The following NEK11 variants were observed in gnomAD, a reference collection of about 807,000 sequenced individuals.
The protein encoded by NEK11 is NIMA related kinase 11, also known as serine/threonine-protein kinase Nek11.
In NEK11, 72 loss-of-function variants were observed where a neutral mutation model predicts 80.7. The observed-to-expected ratio is 0.89, with a 90% CI of 0.74 to 1.08. NEK11 has a LOEUF of 1.08. Ranked by LOEUF, NEK11 falls within the 50% of genes least tolerant of loss-of-function variation. The pLI, the probability that NEK11 is intolerant of heterozygous loss-of-function variation, is 0.00. For synonymous variants in NEK11, 251 were observed against 260.7 expected, an observed-to-expected ratio of 0.96 and a Z score of 0.36; for missense variants, 764 against 763.6, an observed-to-expected ratio of 1.00 and a Z score of -0.01.
intron 10 of NEK11, among the ~76,000 whole-genome samples, chr3:131,161,064 T>A (rs1417750703): frequency 1.4e-5 from 2 of 147,678 alleles, no homozygotes; most frequent in East Asian, 4.0e-4. Flanking sequence ...GTGCCTGTAG[T>A]CCCAGCTACT....
chr3:131,034,501 G>T (rs2065336006), intron 3 of NEK11, among the ~76,000 whole-genome samples: 1 of 152,158 alleles, frequency 6.6e-6, no homozygotes. Flanking sequence ...CCGGCTTCAC[G>T]CCATTCTCCT....
chr3:131,162,461 T>C lies in NEK11; in HGVS notation c.1016T>C (p.Met339Thr), dbSNP rs61749493. ...AGGGCACTGTCAGAAGTACAGAAAATGACGCCAAGAGAAAGGATGCGGCTG... is the reference window on the plus strand; with the variant it reads ...AGGGCACTGTCAGAAGTACAGAAAACGACGCCAAGAGAAAGGATGCGGCTG... ...TLRALSEVQK[M>T]TPRERMRLRK... The change falls in exon 11 of 18, where the codon ATG becomes ACG. Residue 339 changes from methionine to threonine, a missense_variant. Coordinates refer to ENST00000383366, the MANE Select transcript of NEK11 (RefSeq NM_024800.5). 1,493 of 1,614,036 alleles carry C rather than the reference T, an allele frequency of 9.3e-4. 9 individuals are homozygous for C. In the African/African-American group the frequency reaches 0.015, roughly 17 times the overall value.
intron 15 of NEK11, among the ~76,000 whole-genome samples, chr3:131,230,500 T>C (rs1427582414): frequency 6.6e-6 from 1 of 152,188 alleles, no homozygotes; most frequent in African/African-American, 2.4e-5. Context: ...AATAAAATAC[T>C]TCATGAGATA....
In NEK11 at chr3:131,350,010, T is replaced by C. The variant is rs1561681360; in HGVS notation, c.*234T>C. 1.0e-5 allele frequency: 5 copies of C among 486,820 alleles called. No homozygotes were observed. Among genetic ancestry groups the C allele is most frequent in the East Asian group, 7.4e-5 (2 of 27,176 alleles). The allele number at this position is 486,820 out of a possible 1,614,324, so 30.2% of individuals were successfully genotyped here. A position where few individuals can be genotyped will look rare whatever the true frequency, so the allele number is the denominator to read the frequency against. ...CCTGAGATAAGCTTATAGATCAAGT[T>C]TGGCTCCCTTGAAAAGCATTTCTCT... On this transcript the variant is annotated 3_prime_UTR_variant, in exon 18 of 18. Coordinates refer to ENST00000383366, the MANE Select transcript of NEK11 (RefSeq NM_024800.5).
At chr3:131,182,934 C>G (rs1190759886) in intron 14 of NEK11, among the ~76,000 whole-genome samples, 1 of 152,194 alleles carries the variant, frequency 6.6e-6, no homozygotes, top group African/African-American at 2.4e-5. Context: ...TTTCCTTCCA[C>G]CCTCTACCTC....
chr3:131,175,181 TACTC>T (rs1428561691), intron 14 of NEK11: 28 of 887,250 alleles, frequency 3.2e-5, no homozygotes, highest in Non-Finnish European at 3.8e-5. Flanking sequence ...AGAAAACCTC[TACTC>T]ACTCACTAAT....
intron 14 of NEK11, among the ~76,000 whole-genome samples, chr3:131,182,149 A>G (rs1490087079): frequency 3.3e-5 from 5 of 151,846 alleles, no homozygotes; most frequent in East Asian, 1.9e-4. Flanking sequence ...AGAAAAAAAA[A>G]AAAAGAAAAG....
intron 6 of NEK11, 42 bp from the exon 7 acceptor site, chr3:131,133,788 C>T (rs775665743): frequency 6.4e-5 from 100 of 1,551,358 alleles, no homozygotes; most frequent in East Asian, 9.0e-5. Context: ...GCTAATTTTT[C>T]GTTGGCTTAA....
intron 5 of NEK11, among the ~76,000 whole-genome samples, chr3:131,126,280 C>A (rs1336501597): frequency 6.6e-6 from 1 of 152,124 alleles, no homozygotes; most frequent in African/African-American, 2.4e-5. Flanking sequence ...CTTGGTTCAC[C>A]ACTTCTTCTT....
In NEK11 at chr3:131,170,807, A is replaced by G. The variant is rs752954462; in HGVS notation, c.1319A>G (p.Glu440Gly). The G allele has an allele frequency of 1.9e-6, 3 of 1,614,114 alleles. 1 individual carries two copies. In the South Asian group the frequency reaches 3.3e-5, roughly 18 times the overall value. ...GAACCAACTTTAGAGAACCTGCCTG[A>G]GTCTCAGCCTATTCCTTCCATGGAC... ...SDEPTLENLP[E>G]SQPIPSMDLH... The change falls in exon 14 of 18, where the codon GAG (glutamate) becomes GGG (glycine). Residue 440 changes from glutamate to glycine, a missense_variant. By Grantham distance (98) the Glu-to-Gly change is moderately conservative. Coordinates refer to ENST00000383366, the MANE Select transcript of NEK11 (RefSeq NM_024800.5).
intron 15 of NEK11, among the ~76,000 whole-genome samples, chr3:131,238,059 C>T (rs1271536600): frequency 6.6e-6 from 1 of 152,184 alleles, no homozygotes; most frequent in Non-Finnish European, 1.5e-5. Flanking sequence ...CTTCCAGTTT[C>T]TGGAACACAC....
intron 15 of NEK11, among the ~76,000 whole-genome samples, chr3:131,242,321 GC>G (rs2095532218): frequency 6.6e-6 from 1 of 152,108 alleles, no homozygotes; most frequent in Non-Finnish European, 1.5e-5. Context: ...CAACAAAGAA[GC>G]CGTTGTTATT....
chr3:131,236,349 G>A (rs909464941), intron 15 of NEK11, among the ~76,000 whole-genome samples: 3 of 152,000 alleles, frequency 2.0e-5, no homozygotes, highest in Non-Finnish European at 4.4e-5. Context: ...TAGGTGTTAC[G>A]TTGCCATTCT....
chr3:131,080,418 C>T lies in NEK11; in HGVS notation c.171-5C>T. The T allele has an allele frequency of 2.5e-6, 4 of 1,579,872 alleles. No homozygotes were observed. In the South Asian group the frequency reaches 4.7e-5, roughly 19 times the overall value. On this transcript the variant is annotated splice_region_variant and splice_polypyrimidine_tract_variant and intron_variant, in intron 3 of 17. Transcript: ENST00000383366. ...AAATGTTTTTAAAATTTTTTTTGATCTCAGAAAGGTACTTAAGGAAATATC... is the reference window on the plus strand; with the variant it reads ...AAATGTTTTTAAAATTTTTTTTGATTTCAGAAAGGTACTTAAGGAAATATC...
At chr3:131,323,939 G>A (rs2096927422) in intron 17 of NEK11, among the ~76,000 whole-genome samples, 1 of 152,192 alleles carries the variant, frequency 6.6e-6, no homozygotes, top group Non-Finnish European at 1.5e-5. Flanking sequence ...GACTGTCTCA[G>A]TAAACGGCTA....
chr3:131,202,260 C>T (rs2094264712), intron 14 of NEK11, among the ~76,000 whole-genome samples: 2 of 152,070 alleles, frequency 1.3e-5, no homozygotes, highest in Admixed American at 1.3e-4. Flanking sequence ...GTGGGTGCAG[C>T]CCACGGAAGG....
intron 13 of NEK11, 36 bp downstream of exon 13, chr3:131,168,973 G>T (rs779172252): frequency 2.0e-6 from 3 of 1,534,374 alleles, no homozygotes; most frequent in Non-Finnish European, 2.7e-6. Context: ...CAAAAGTGAG[G>T]CAGGTTTAAT....
chr3:131,063,187 G>A (rs1337093866), intron 3 of NEK11, among the ~76,000 whole-genome samples: 1 of 152,048 alleles, frequency 6.6e-6, no homozygotes, highest in Non-Finnish European at 1.5e-5. Flanking sequence ...ACCACGCCCA[G>A]CTAATTTTTT....
chr3:131,169,067 A>G, intron 13 of NEK11, 130 bp downstream of exon 13: 1 of 581,822 alleles, frequency 1.7e-6, no homozygotes, highest in South Asian at 2.8e-5. Context: ...GTAGCAGGAA[A>G]AAGCTTCATT....
Sources: allele counts gnomAD v4.1 joint callset (sites outside exome capture counted in the v4.1 genomes callset), GRCh38; gene constraint gnomAD v4.1.1; transcripts MANE v1.5; gene names NCBI Gene and HGNC (gene_info 2026-07-23, HGNC 2026-07-21).